Variants in RSRC2 observed in about 807,000 individuals in gnomAD.
RSRC2 encodes arginine and serine rich coiled-coil 2.
Under a neutral mutation model 61.3 loss-of-function variants are expected in RSRC2, and 5 were observed. That is an observed-to-expected ratio of 0.08 (90% CI 0.04 to 0.17). RSRC2 has a LOEUF of 0.17. Ranked by LOEUF, RSRC2 falls within the 10% of genes least tolerant of loss-of-function variation. RSRC2 has a pLI of 1.00. For missense variants in RSRC2, 381 were observed against 518.8 expected (o/e 0.73, Z 2.58); for synonymous variants, 202 against 166.5 (o/e 1.21, Z -1.64).
chr12:122,510,235 G>A (rs1033202104), intron 7 of RSRC2, among the ~76,000 whole-genome samples: 3 of 151,894 alleles, frequency 2.0e-5, no homozygotes, highest in African/African-American at 7.3e-5. Flanking sequence ...TTCCAAAATC[G>A]TAAAAGACAT....
At chr12:122,525,944 C>T (rs1199252037) in intron 1 of RSRC2, among the ~76,000 whole-genome samples, 4 of 52,354 alleles carry the variant, frequency 7.6e-5, no homozygotes, top group South Asian at 6.8e-4. Flanking sequence ...GCCTCAGCCT[C>T]CCAAGTAGCT....
At chr12:122,508,597 A>C (rs1030563790) in intron 7 of RSRC2, 150 bp from the exon 8 acceptor site, 1 of 638,534 alleles carries the variant, frequency 1.6e-6, no homozygotes, top group Non-Finnish European at 2.7e-6. Flanking sequence ...GTATTAGCTC[A>C]CAAGTTTTTA....
intron 9 of RSRC2, 24 bp downstream of exon 9, chr12:122,506,810 T>C (rs1466933816): frequency 7.3e-7 from 1 of 1,367,826 alleles, no homozygotes; most frequent in Non-Finnish European, 1.0e-6. Context: ...AATACAAAGA[T>C]CCCCTGGCAC....
intron 7 of RSRC2, among the ~76,000 whole-genome samples, chr12:122,510,348 GGTGAA>G (rs1270082508): frequency 6.6e-6 from 1 of 151,902 alleles, no homozygotes; most frequent in Non-Finnish European, 1.5e-5. Flanking sequence ...GGTTCAACAC[GGTGAA>G]ACCCCGTCTC....
chr12:122,504,195 T>C lies in RSRC2; in HGVS notation c.*1332A>G, dbSNP rs1485365128. ...AGTCTTCCCTGATTGTAATGTGCTCTCATTCTGTGATGTTTTCCAAAGGAT... is the reference window on the plus strand; with the variant it reads ...AGTCTTCCCTGATTGTAATGTGCTCCCATTCTGTGATGTTTTCCAAAGGAT... On this transcript the variant is annotated 3_prime_UTR_variant, in exon 10 of 10. Transcript: ENST00000331738. 1 of 152,224 alleles carries C rather than the reference T, an allele frequency of 6.6e-6. No individual in the cohort carries two copies. Among genetic ancestry groups the C allele is most frequent in the Non-Finnish European group, 1.5e-5 (1 of 68,056 alleles). 9.4% of individuals were successfully genotyped at this position (152,224 alleles called of 1,614,324 possible). A position where few individuals can be genotyped will look rare whatever the true frequency, so the allele number is the denominator to read the frequency against.
intron 7 of RSRC2, 36 bp from the exon 8 acceptor site, chr12:122,508,483 G>A (rs373693700): frequency 2.0e-5 from 29 of 1,486,428 alleles, no homozygotes; most frequent in African/African-American, 4.2e-5. Flanking sequence ...ATTTTAAAAC[G>A]ATTTTAAAAC....
chr12:122,517,504 T>C, intron 4 of RSRC2, 74 bp from the exon 5 acceptor site: 1 of 1,571,264 alleles, frequency 6.4e-7, no homozygotes, highest in Non-Finnish European at 8.7e-7. Context: ...ATGAATTAGT[T>C]ACTTGTAGTA....
chr12:122,504,288 G>GC lies in RSRC2; in HGVS notation c.*1238dup, dbSNP rs200051704. 1.4e-4 allele frequency: 21 copies of GC among 151,704 alleles called. No individual in the cohort carries two copies. The highest frequency in any genetic ancestry group is 2.1e-4 in the South Asian group (1 of 4,802). The allele number at this position is 151,704 out of a possible 1,614,324, so 9.4% of individuals were successfully genotyped here. Reference sequence around the variant, plus strand: ...AGTAAATTAACTTCAAGTTTTGCAGGCCCCCCCCACCCCTTGGCTCCAGAT... The same window carrying GC: ...AGTAAATTAACTTCAAGTTTTGCAGGCCCCCCCCCACCCCTTGGCTCCAGAT... On this transcript the variant is annotated 3_prime_UTR_variant, in exon 10 of 10. Coordinates refer to ENST00000331738, the MANE Select transcript of RSRC2 (RefSeq NM_023012.6).
chr12:122,509,327 A>C lies in RSRC2; in HGVS notation c.806-880T>G, dbSNP rs189833849. Among the ~76,000 whole-genome samples the C allele has an allele frequency of 9.2e-4, 139 of 151,520 alleles. 2 individuals are homozygous for C. The highest frequency in any genetic ancestry group is 7.4e-5 in the Non-Finnish European group (5 of 67,930). On this transcript the variant is annotated intron_variant, in intron 7 of 9. Transcript: ENST00000331738. ...TAGCCAGGCGTGGTGGCAGGCGCCTATAAGCCCAGGTACTCAGGAGGCTGA... is the reference window on the plus strand; with the variant it reads ...TAGCCAGGCGTGGTGGCAGGCGCCTCTAAGCCCAGGTACTCAGGAGGCTGA...
chr12:122,519,135 G>A, intron 3 of RSRC2, 106 bp from the exon 4 acceptor site: 1 of 818,414 alleles, frequency 1.2e-6, no homozygotes, highest in Non-Finnish European at 2.0e-6. Context: ...GTAACCTTAG[G>A]AGTGTGTGGC....
intron 7 of RSRC2, among the ~76,000 whole-genome samples, chr12:122,509,755 A>C (rs1202206797): frequency 6.6e-6 from 1 of 152,230 alleles, no homozygotes; most frequent in Non-Finnish European, 1.5e-5. Context: ...AAAATGTAAA[A>C]AACAACAAAA....
At chr12:122,523,892 A>G (rs1033385659) in intron 1 of RSRC2, 1 of 152,346 alleles carries the variant, frequency 6.6e-6, no homozygotes, top group East Asian at 1.9e-4. Flanking sequence ...TAAATTAAAA[A>G]CAGAAAGGTT....
chr12:122,519,036 T>C lies in RSRC2; in HGVS notation c.208-7A>G, dbSNP rs763844650. On this transcript the variant is annotated splice_region_variant and splice_polypyrimidine_tract_variant and intron_variant, in intron 3 of 9. Transcript: ENST00000331738. ...TGGATTCATGTCTTCTTCCCTGTTT[T>C]AAGAAGAAGTTGGTTCTTTCAGGAA... 6.2e-7 allele frequency: 1 copy of C among 1,611,706 alleles called. No homozygotes were observed. The highest frequency in any genetic ancestry group is 8.5e-7 in the Non-Finnish European group (1 of 1,179,088).
chr12:122,517,200 AT>A (rs1959004746), intron 5 of RSRC2, 26 bp downstream of exon 5: 1 of 1,613,554 alleles, frequency 6.2e-7, no homozygotes. Context: ...GTCCTATTAA[AT>A]TTTATTCAGG....
intron 6 of RSRC2, among the ~76,000 whole-genome samples, chr12:122,512,687 A>C (rs1244967977): frequency 1.3e-5 from 2 of 150,986 alleles, no homozygotes; most frequent in Non-Finnish European, 3.0e-5. Flanking sequence ...AGCTGAGATC[A>C]CACCACTGCA....
chr12:122,523,368 T>G lies in RSRC2; in HGVS notation c.7-1069A>C, dbSNP rs980490147. The G allele has an allele frequency of 1.3e-5, 2 of 152,060 alleles. 1 individual carries two copies. Among genetic ancestry groups the G allele is most frequent in the East Asian group, 3.9e-4 (2 of 5,176 alleles). The allele number at this position is 152,060 out of a possible 1,614,324, so 9.4% of individuals were successfully genotyped here. On this transcript the variant is annotated intron_variant, in intron 1 of 9. Coordinates refer to ENST00000331738, the MANE Select transcript of RSRC2 (RefSeq NM_023012.6). ...CTGCTTCTACTAAAAACACAAAAATTAGCCAAGAGTGGTGGGGCGTGCCTG... is the reference window on the plus strand; with the variant it reads ...CTGCTTCTACTAAAAACACAAAAATGAGCCAAGAGTGGTGGGGCGTGCCTG...
At position 122,503,796 on chromosome 12, in the gene RSRC2, A is replaced by G. The variant is rs929717595; in HGVS notation, c.*1731T>C. The stretch of plus-strand genomic sequence containing the variant: ...ATTAAAGTACATTAAAAATCTTACA[A>G]TCTGGCTAGGTGAAGTGGATCACAC... On this transcript the variant is annotated 3_prime_UTR_variant, in exon 10 of 10. Transcript: ENST00000331738. The G allele has an allele frequency of 6.6e-6, 1 of 152,136 alleles. No individual in the cohort carries two copies. The highest frequency in any genetic ancestry group is 2.4e-5 in the African/African-American group (1 of 41,422). 9.4% of individuals were successfully genotyped at this position (152,136 alleles called of 1,614,324 possible). A position where few individuals can be genotyped will look rare whatever the true frequency, so the allele number is the denominator to read the frequency against.
chr12:122,510,523 C>T (rs907466228), intron 7 of RSRC2, among the ~76,000 whole-genome samples: 3 of 149,892 alleles, frequency 2.0e-5, no homozygotes, highest in Non-Finnish European at 4.4e-5. Flanking sequence ...AGCGAGACTC[C>T]GTAACAACAA....
At chr12:122,521,459 A>C (rs1959208346) in intron 2 of RSRC2, 31 bp from the exon 3 acceptor site, 1 of 1,589,018 alleles carries the variant, frequency 6.3e-7, no homozygotes, top group Admixed American at 1.7e-5. Context: ...TAATCACCAT[A>C]AACAAAGTTG....
Sources: gnomAD v4.1 joint callset for allele counts (sites outside exome capture counted in the v4.1 genomes callset) on GRCh38, gnomAD v4.1.1 for gene constraint, MANE v1.5 for transcripts, NCBI Gene and HGNC (gene_info 2026-07-23, HGNC 2026-07-21) for gene names.